The following MTRF1 variants were observed in gnomAD, a reference collection of about 807,000 sequenced individuals.
MTRF1 encodes the protein peptide chain release factor 1, mitochondrial.
Under a neutral mutation model 62.9 loss-of-function variants are expected in MTRF1, and 51 were observed. The ratio of observed to expected loss-of-function variants is 0.81; its 90% CI spans 0.65 to 1.02. The LOEUF (loss-of-function observed/expected upper bound fraction) is 1.02, where lower values mean the gene tolerates loss of function less well. MTRF1 is among the 50% of genes least tolerant of loss of function. The probability of loss-of-function intolerance (pLI) is 0.00; values close to 1 mark genes in which losing one functional copy is unlikely to be tolerated. For synonymous variants in MTRF1, 158 were observed against 181.9 expected (o/e 0.87, Z 1.06); for missense variants, 446 against 530.0 (o/e 0.84, Z 1.56).
intron 6 of MTRF1, among the ~76,000 whole-genome samples, chr13:41,234,552 T>C (rs1477937017): frequency 2.0e-5 from 3 of 152,156 alleles, no homozygotes; most frequent in African/African-American, 4.8e-5. Flanking sequence ...AAAAGTTTCA[T>C]CATTCATCAT....
intron 9 of MTRF1, chr13:41,220,720 G>A (rs916532066): frequency 1.5e-6 from 1 of 647,644 alleles, no homozygotes; most frequent in Non-Finnish European, 2.4e-6. Context: ...TTTTCTCTGT[G>A]TATCAATTTC....
At chr13:41,285,424 G>A in the MTRF1 span, among the ~76,000 whole-genome samples, 4 of 152,306 alleles carry the variant, frequency 2.6e-5, no homozygotes, top group Middle Eastern at 0.01. Flanking sequence ...CAGGAATTCA[G>A]AGTGATTTCC....
intron 5 of MTRF1, among the ~76,000 whole-genome samples, chr13:41,251,573 A>G (rs1262879200): frequency 6.6e-6 from 1 of 152,074 alleles, no homozygotes; most frequent in Non-Finnish European, 1.5e-5. Context: ...CTCTGCTCTC[A>G]TGGATAATCC....
chr13:41,226,531 T>TA lies in MTRF1; in HGVS notation c.1025dup (p.Asn344LysfsTer2), dbSNP rs773534829. The TA allele has an allele frequency of 6.2e-7, 1 of 1,614,010 alleles. No individual in the cohort carries two copies. Among genetic ancestry groups the TA allele is most frequent in the Non-Finnish European group, 8.5e-7 (1 of 1,179,980 alleles). ...CACGAAAGGCTATTTCTTTATTTTT[T>TA]ATCTGTGATCTTTCTTGTTGGCATT... On this transcript the variant is annotated frameshift_variant, in exon 8 of 10. Transcript: ENST00000379480. LOFTEE classifies it high-confidence loss of function.
chr13:41,263,317 T>TA (rs2040683962), intron 1 of MTRF1, 168 bp downstream of exon 1: 23 of 1,289,014 alleles, frequency 1.8e-5, no homozygotes, highest in Non-Finnish European at 2.2e-5. Flanking sequence ...ACAGTAACAG[T>TA]ATTACTCTGA....
intron 5 of MTRF1, among the ~76,000 whole-genome samples, chr13:41,242,787 C>A (rs73179121): frequency 6.6e-6 from 1 of 151,824 alleles, no homozygotes. Context: ...ATGCTTACTG[C>A]GCATTAAAAA....
the MTRF1 span, among the ~76,000 whole-genome samples, chr13:41,303,213 G>A: frequency 6.6e-6 from 1 of 151,974 alleles, no homozygotes; most frequent in South Asian, 2.1e-4. Context: ...TACTTTGATG[G>A]AAGATAATAC....
At chr13:41,248,284 G>A (rs2038552257) in intron 5 of MTRF1, among the ~76,000 whole-genome samples, 3 of 152,172 alleles carry the variant, frequency 2.0e-5, no homozygotes, top group South Asian at 4.1e-4. Flanking sequence ...ACCACACTCA[G>A]CTAATTTTTG....
intron 5 of MTRF1, among the ~76,000 whole-genome samples, chr13:41,243,322 TG>T (rs1191422240): frequency 6.9e-6 from 1 of 145,228 alleles, no homozygotes; most frequent in East Asian, 2.1e-4. Context: ...CATGAGAAGA[TG>T]GCTTGAGCCC....
chr13:41,217,369 A>G, intron 9 of MTRF1, 141 bp from the exon 10 acceptor site: 1 of 480,922 alleles, frequency 2.1e-6, no homozygotes, highest in Non-Finnish European at 3.7e-6. Context: ...AATGAACACA[A>G]TCGCTAACTT....
chr13:41,252,533 G>A, intron 5 of MTRF1, 112 bp downstream of exon 5: 1 of 718,842 alleles, frequency 1.4e-6, no homozygotes, highest in East Asian at 2.7e-5. Context: ...ACAGTGTTTA[G>A]TAGATATACA....
chr13:41,267,367 G>C (rs1263480478), upstream of MTRF1, among the ~76,000 whole-genome samples: 1 of 152,094 alleles, frequency 6.6e-6, no homozygotes, highest in Non-Finnish European at 1.5e-5. Flanking sequence ...CTGTGGTTAT[G>C]TGTACTTTGC....
intron 6 of MTRF1, among the ~76,000 whole-genome samples, chr13:41,237,302 A>G: frequency 6.6e-6 from 1 of 151,770 alleles, no homozygotes; most frequent in Non-Finnish European, 1.5e-5. Context: ...TTGAAGCAAG[A>G]TAACTCTATG....
the MTRF1 span, among the ~76,000 whole-genome samples, chr13:41,306,447 TC>T: frequency 1.3e-5 from 2 of 149,972 alleles, no homozygotes; most frequent in East Asian, 3.9e-4. Context: ...CATCAGGGAG[TC>T]TGGGGTGGAA....
chr13:41,260,600 C>A lies in MTRF1; in HGVS notation c.308G>T (p.Arg103Leu), dbSNP rs377468719. The part of the protein sequence containing the change: ...LQHIPVNEEN[R>L]RSLNRRHAEL... ...AGCATGCCTTCTGTTCAAGGACCTT[C>A]GGTTTTCCTCATTCACAGGGATATG... Residue 103 changes from arginine to leucine, a missense_variant, in exon 2 of 10, where the codon CGA (arginine) becomes CTA (leucine). Physicochemically the swap from Arg to Leu is moderately radical, Grantham distance 102. Transcript: ENST00000379480. 1 of 1,614,134 alleles carries A rather than the reference C, an allele frequency of 6.2e-7. No homozygotes were observed. Among genetic ancestry groups the A allele is most frequent in the Non-Finnish European group, 8.5e-7 (1 of 1,180,000 alleles).
intron 7 of MTRF1, among the ~76,000 whole-genome samples, chr13:41,231,516 T>A (rs552769153): frequency 6.6e-6 from 1 of 152,310 alleles, no homozygotes; most frequent in East Asian, 1.9e-4. Flanking sequence ...AGACCTTGAC[T>A]TTACTCTCAG....
At chr13:41,302,885 T>C in the MTRF1 span, among the ~76,000 whole-genome samples, 4 of 152,230 alleles carry the variant, frequency 2.6e-5, no homozygotes, top group East Asian at 7.7e-4. Context: ...CAAAGTTGAT[T>C]ATAAAATTTT....
the MTRF1 span, among the ~76,000 whole-genome samples, chr13:41,304,424 G>T: frequency 6.6e-6 from 1 of 152,206 alleles, no homozygotes; most frequent in African/African-American, 2.4e-5. Context: ...ACAGACGTGT[G>T]CCTGGGCTTC....
chr13:41,237,261 G>GT (rs1465536420), intron 6 of MTRF1, among the ~76,000 whole-genome samples: 1 of 148,750 alleles, frequency 6.7e-6, no homozygotes, highest in Non-Finnish European at 1.5e-5. Context: ...TAAAAACAGG[G>GT]TAAGTGGGAA....
Sources: allele counts gnomAD v4.1 joint callset (sites outside exome capture counted in the v4.1 genomes callset), GRCh38; gene constraint gnomAD v4.1.1; transcripts MANE v1.5; gene names NCBI Gene and HGNC (gene_info 2026-07-23, HGNC 2026-07-21).